The following XKR6 variants were observed in gnomAD, a reference collection of about 807,000 sequenced individuals.
The protein encoded by XKR6 is XK related 6.
XKR6 carries 22 observed loss-of-function variants against 56.7 expected under a neutral mutation model. The observed-to-expected ratio is 0.39, with a 90% CI of 0.28 to 0.55. The LOEUF is 0.55. Among genes scored for constraint, XKR6 ranks in the 20% least tolerant of loss-of-function variants. The pLI, the probability that XKR6 is intolerant of heterozygous loss-of-function variation, is 0.66. For synonymous variants in XKR6, 524 were observed against 387.8 expected, an observed-to-expected ratio of 1.35 and a Z score of -4.13; for missense variants, 852 against 889.0, an observed-to-expected ratio of 0.96 and a Z score of 0.53.
intron 1 of XKR6, among the ~76,000 whole-genome samples, chr8:11,130,493 C>T (rs757489934): frequency 3.9e-5 from 6 of 152,068 alleles, no homozygotes; most frequent in African/African-American, 7.3e-5. Flanking sequence ...TGGACAAAAA[C>T]AACAAAAGAT....
intron 1 of XKR6, among the ~76,000 whole-genome samples, chr8:11,168,420 A>C (rs549186495): frequency 3.3e-5 from 5 of 152,344 alleles, no homozygotes; most frequent in Admixed American, 3.3e-4. Flanking sequence ...TGACACAACT[A>C]AAGTGAGACG....
chr8:11,075,131 A>G (rs959407991), intron 1 of XKR6, among the ~76,000 whole-genome samples: 5 of 152,198 alleles, frequency 3.3e-5, no homozygotes, highest in African/African-American at 9.6e-5. Context: ...TAAGGAGCCC[A>G]TCATGTGGGG....
At chr8:11,035,169 G>A (rs773798584) in intron 1 of XKR6, 8 of 534,216 alleles carry the variant, frequency 1.5e-5, no homozygotes, top group South Asian at 7.0e-5. Context: ...CCAGTCTCGT[G>A]CCCAGCCCAG....
At chr8:10,913,428 G>A (rs763185670) in intron 2 of XKR6, among the ~76,000 whole-genome samples, 13 of 152,080 alleles carry the variant, frequency 8.5e-5, no homozygotes, top group African/African-American at 1.2e-4. Context: ...GTACTCAGCC[G>A]TGAGTGCCCT....
intron 1 of XKR6, among the ~76,000 whole-genome samples, chr8:11,189,052 T>C (rs1041506239): frequency 6.6e-6 from 1 of 152,118 alleles, no homozygotes; most frequent in Non-Finnish European, 1.5e-5. Context: ...TCAAGCAAAA[T>C]GTAGGTAGGC....
intron 1 of XKR6, among the ~76,000 whole-genome samples, chr8:10,941,964 T>C (rs1351540772): frequency 6.6e-6 from 1 of 152,196 alleles, no homozygotes; most frequent in Non-Finnish European, 1.5e-5. Flanking sequence ...GTTCAAGCTC[T>C]TTCCAAAAAG....
chr8:11,099,211 A>T (rs1798375553), intron 1 of XKR6, among the ~76,000 whole-genome samples: 1 of 152,212 alleles, frequency 6.6e-6, no homozygotes, highest in African/African-American at 2.4e-5. Flanking sequence ...GTACAGCAGG[A>T]GGGCAATCGT....
At chr8:11,189,526 G>A (rs1246721942) in intron 1 of XKR6, among the ~76,000 whole-genome samples, 1 of 152,158 alleles carries the variant, frequency 6.6e-6, no homozygotes, top group African/African-American at 2.4e-5. Context: ...TAATCCATTA[G>A]AATCACCTGA....
intron 1 of XKR6, among the ~76,000 whole-genome samples, chr8:11,125,311 G>C (rs966378371): frequency 5.9e-5 from 9 of 152,000 alleles, no homozygotes; most frequent in African/African-American, 2.2e-4. Context: ...CTTACGTACA[G>C]AGACCCTAGA....
chr8:11,194,585 T>C (rs933241314), intron 1 of XKR6: 1 of 152,326 alleles, frequency 6.6e-6, no homozygotes, highest in Non-Finnish European at 1.5e-5. Context: ...CAAACTTATT[T>C]GCAGACAGCA....
chr8:10,943,930 A>C (rs1173077746), intron 1 of XKR6, among the ~76,000 whole-genome samples: 1 of 152,132 alleles, frequency 6.6e-6, no homozygotes, highest in African/African-American at 2.4e-5. Context: ...TGCTAAAGCC[A>C]GGCGGAAGTC....
At chr8:10,957,450 T>A (rs529944126) in intron 1 of XKR6, among the ~76,000 whole-genome samples, 2 of 152,168 alleles carry the variant, frequency 1.3e-5, no homozygotes, top group Non-Finnish European at 2.9e-5. Context: ...AGGGAGCCTC[T>A]TGTGGCCCAT....
intron 1 of XKR6, chr8:11,113,831 G>C (rs1392701439): frequency 5.8e-6 from 1 of 171,032 alleles, no homozygotes; most frequent in Admixed American, 6.0e-5. Context: ...TAAAACATTT[G>C]AGCTAATTTA....
chr8:11,061,043 C>T (rs1011175832), intron 1 of XKR6, among the ~76,000 whole-genome samples: 2 of 152,168 alleles, frequency 1.3e-5, no homozygotes, highest in Admixed American at 6.5e-5. Context: ...CTACCTAGGG[C>T]TGAGGGTTGG....
chr8:11,051,278 T>C (rs1187532668), intron 1 of XKR6, among the ~76,000 whole-genome samples: 2 of 151,932 alleles, frequency 1.3e-5, no homozygotes, highest in South Asian at 4.2e-4. Context: ...GTCCTCCAGG[T>C]ATGGCAAGCT....
intron 2 of XKR6, among the ~76,000 whole-genome samples, chr8:10,922,037 T>C (rs531824186): frequency 6.6e-6 from 1 of 152,360 alleles, no homozygotes; most frequent in Non-Finnish European, 1.5e-5. Context: ...CTCTGCCATG[T>C]AAGAACACAG....
At chr8:10,978,592 C>T (rs963895257) in intron 1 of XKR6, among the ~76,000 whole-genome samples, 1 of 152,214 alleles carries the variant, frequency 6.6e-6, no homozygotes, top group Non-Finnish European at 1.5e-5. Context: ...CCAAGACACT[C>T]GGCCCAAGGT....
At chr8:10,975,276 A>G (rs2129135159) in intron 1 of XKR6, among the ~76,000 whole-genome samples, 1 of 152,318 alleles carries the variant, frequency 6.6e-6, no homozygotes, top group East Asian at 1.9e-4. Flanking sequence ...CTGCTCCCCC[A>G]TCACCCAGCC....
chr8:10,958,607 A>C, intron 1 of XKR6, among the ~76,000 whole-genome samples: 1 of 152,086 alleles, frequency 6.6e-6, no homozygotes, highest in South Asian at 2.1e-4. Flanking sequence ...GGGTGTGATC[A>C]CCATGGGAGC....
Sources: gnomAD v4.1 joint callset for allele counts (sites outside exome capture counted in the v4.1 genomes callset) on GRCh38, gnomAD v4.1.1 for gene constraint, MANE v1.5 for transcripts, NCBI Gene and HGNC (gene_info 2026-07-23, HGNC 2026-07-21) for gene names.